The following ADGRL3 variants were observed in gnomAD, a reference collection of about 807,000 sequenced individuals.
The protein encoded by ADGRL3 is calcium-independent alpha-latrotoxin receptor 3.
Under a neutral mutation model 153.5 loss-of-function variants are expected in ADGRL3, and 62 were observed. The ratio of observed to expected loss-of-function variants is 0.40; its 90% confidence interval spans 0.33 to 0.50. The LOEUF (loss-of-function observed/expected upper bound fraction) is 0.50, where lower values mean the gene tolerates loss of function less well. Ranked by LOEUF, ADGRL3 falls within the 20% of genes least tolerant of loss-of-function variation. The probability of loss-of-function intolerance (pLI) is 0.47; values close to 1 mark genes in which losing one functional copy is unlikely to be tolerated. For missense variants in ADGRL3, 1,641 were observed against 1,859.4 expected, an observed-to-expected ratio of 0.88 and a Z score of 2.16; for synonymous variants, 710 against 672.5, an observed-to-expected ratio of 1.06 and a Z score of -0.86.
At chr4:61,727,575 A>T (rs1170236196) in intron 6 of ADGRL3, among the ~76,000 whole-genome samples, 1 of 152,120 alleles carries the variant, frequency 6.6e-6, no homozygotes, top group Non-Finnish European at 1.5e-5. Context: ...GAGAGGAGGG[A>T]AGGGAGTATT....
intron 12 of ADGRL3, 40 bp downstream of exon 12, chr4:61,909,785 G>A (rs1409072732): frequency 2.2e-6 from 3 of 1,379,738 alleles, no homozygotes. Flanking sequence ...GTGTGTGTGT[G>A]TGTGTGTGTG....
intron 8 of ADGRL3, chr4:61,775,915 T>A (rs913535936): frequency 6.5e-5 from 13 of 201,264 alleles, no homozygotes; most frequent in East Asian, 3.2e-4. Context: ...TTATTTATTT[T>A]TTTGAGACGG....
intron 1 of ADGRL3, among the ~76,000 whole-genome samples, chr4:61,340,452 A>C (rs1277818522): frequency 6.6e-6 from 1 of 151,730 alleles, no homozygotes; most frequent in Non-Finnish European, 1.5e-5. Context: ...TTAATTTTTC[A>C]AGTTCCCAGT....
intron 12 of ADGRL3, 60 bp downstream of exon 12, chr4:61,909,805 T>TGTG: frequency 8.9e-6 from 9 of 1,015,448 alleles, no homozygotes; most frequent in South Asian, 6.6e-5. Flanking sequence ...GTGTGTGTCT[T>TGTG]TAAAGTTGTA....
intron 9 of ADGRL3, among the ~76,000 whole-genome samples, chr4:61,849,263 CT>C (rs1321743433): frequency 5.3e-5 from 8 of 152,042 alleles, no homozygotes; most frequent in African/African-American, 1.9e-4. Flanking sequence ...TCTTACTACT[CT>C]TTGTAAAAGT....
At chr4:61,778,616 A>G (rs1260288877) in intron 8 of ADGRL3, among the ~76,000 whole-genome samples, 1 of 152,190 alleles carries the variant, frequency 6.6e-6, no homozygotes, top group Non-Finnish European at 1.5e-5. Context: ...TGTTGTACTT[A>G]CATTCCCTTG....
In ADGRL3 at chr4:61,771,651, C is replaced by CT. The variant is rs200574529; in HGVS notation, c.1399+38099dup. Reference sequence around the variant, plus strand: ...CCTAAACTGGTCTCAAACTCCTGGGCTTAAACAGTCCTTCTGCCTCAGCCT... The same window carrying CT: ...CCTAAACTGGTCTCAAACTCCTGGGCTTTAAACAGTCCTTCTGCCTCAGCCT... On this transcript the variant is annotated intron_variant, in intron 8 of 26. Transcript: ENST00000683033. Among the ~76,000 whole-genome samples the CT allele has an allele frequency of 8.5e-3, 1,291 of 152,176 alleles. 16 individuals carry two copies. Among genetic ancestry groups the CT allele is most frequent in the African/African-American group, 0.029 (1,223 of 41,514 alleles).
chr4:61,485,733 A>T (rs1031293705), intron 2 of ADGRL3, among the ~76,000 whole-genome samples: 15 of 152,154 alleles, frequency 9.9e-5, no homozygotes, highest in Admixed American at 5.2e-4. Flanking sequence ...AATTCTTACA[A>T]CTTCTCTATT....
At chr4:61,674,317 AT>A (rs1425017021) in intron 5 of ADGRL3, among the ~76,000 whole-genome samples, 1 of 151,684 alleles carries the variant, frequency 6.6e-6, no homozygotes, top group Non-Finnish European at 1.5e-5. Context: ...AATTTTAACT[AT>A]TATGCTCTGG....
At chr4:62,018,238 T>C (rs1467572033) in intron 21 of ADGRL3, among the ~76,000 whole-genome samples, 1 of 152,120 alleles carries the variant, frequency 6.6e-6, no homozygotes, top group African/African-American at 2.4e-5. Flanking sequence ...CTAGGCGTAT[T>C]AAAAGCAGAG....
At chr4:61,501,976 A>G (rs562967642) in intron 3 of ADGRL3, among the ~76,000 whole-genome samples, 26 of 152,260 alleles carry the variant, frequency 1.7e-4, no homozygotes, top group African/African-American at 6.0e-4. Context: ...ATCCTTATCT[A>G]TAATGCAATG....
chr4:61,936,123 G>T, intron 15 of ADGRL3, 78 bp downstream of exon 15: 1 of 1,515,222 alleles, frequency 6.6e-7, no homozygotes, highest in South Asian at 1.2e-5. Context: ...GGAATATTAG[G>T]TCCACTATTT....
At chr4:61,371,245 T>G (rs1457977050) in intron 1 of ADGRL3, among the ~76,000 whole-genome samples, 1 of 151,676 alleles carries the variant, frequency 6.6e-6, no homozygotes, top group African/African-American at 2.4e-5. Flanking sequence ...AAGTTAATAG[T>G]GTTATGTGTG....
chr4:61,633,042 C>T (rs1038845365), intron 5 of ADGRL3, among the ~76,000 whole-genome samples: 2 of 152,038 alleles, frequency 1.3e-5, no homozygotes, highest in African/African-American at 4.8e-5. Flanking sequence ...CTTGCAGAAC[C>T]CTGTGAAGAT....
intron 1 of ADGRL3, among the ~76,000 whole-genome samples, chr4:61,222,853 A>G (rs1031860857): frequency 2.0e-5 from 3 of 152,184 alleles, no homozygotes; most frequent in South Asian, 2.1e-4. Flanking sequence ...CCTTAATTGT[A>G]TAAAAGGAAT....
At chr4:61,787,851 A>G (rs1307026377) in intron 8 of ADGRL3, among the ~76,000 whole-genome samples, 1 of 152,172 alleles carries the variant, frequency 6.6e-6, no homozygotes, top group Non-Finnish European at 1.5e-5. Flanking sequence ...AAATCCAGAA[A>G]AGGTTTAAGA....
intron 6 of ADGRL3, among the ~76,000 whole-genome samples, chr4:61,721,304 G>T (rs1332973586): frequency 6.6e-6 from 1 of 152,158 alleles, no homozygotes; most frequent in Non-Finnish European, 1.5e-5. Context: ...TAGGGAAGCT[G>T]ACAGTGTAGC....
chr4:61,544,248 T>C (rs1235639231), intron 4 of ADGRL3, among the ~76,000 whole-genome samples: 3 of 152,162 alleles, frequency 2.0e-5, no homozygotes, highest in Admixed American at 1.3e-4. Context: ...TGGTGTTCAG[T>C]TTTCTGATAT....
intron 9 of ADGRL3, among the ~76,000 whole-genome samples, chr4:61,862,660 G>C (rs984949405): frequency 2.6e-5 from 4 of 152,144 alleles, no homozygotes; most frequent in Admixed American, 6.5e-5. Context: ...TTCAGAGTGT[G>C]ATCCCTGGAC....
Sources: gnomAD v4.1 joint callset for allele counts (sites outside exome capture counted in the v4.1 genomes callset) on GRCh38, gnomAD v4.1.1 for gene constraint, MANE v1.5 for transcripts, NCBI Gene and HGNC (gene_info 2026-07-23, HGNC 2026-07-21) for gene names.